The following TUT4 variants were observed in gnomAD, a reference collection of about 807,000 sequenced individuals.
TUT4 encodes the protein terminal uridylyl transferase 4, also known as terminal uridylyltransferase 4.
Under a neutral mutation model 192.2 loss-of-function variants are expected in TUT4, and 36 were observed. That is an observed-to-expected ratio of 0.19 (90% CI 0.14 to 0.25). The LOEUF (loss-of-function observed/expected upper bound fraction) is 0.25, where lower values mean the gene tolerates loss of function less well. Ranked by LOEUF, TUT4 falls within the 10% of genes least tolerant of loss-of-function variation. The probability of loss-of-function intolerance (pLI) is 1.00; values close to 1 mark genes in which losing one functional copy is unlikely to be tolerated. For synonymous variants in TUT4, 618 were observed against 666.0 expected (o/e 0.93, Z 1.11); for missense variants, 1,493 against 1,957.2 (o/e 0.76, Z 4.47).
At position 52,477,831 on chromosome 1, in the gene TUT4, A is replaced by G; in HGVS notation, c.1900T>C (p.Leu634=). The G allele has an allele frequency of 6.2e-7, 1 of 1,614,046 alleles. No individual in the cohort carries two copies. The highest frequency in any genetic ancestry group is 8.5e-7 in the Non-Finnish European group (1 of 1,179,956). ...PNRVSLGQLW[L]ELLKFYTLDF... ...AGTGTGTAGAATTTAAGCAGCTCTA[A>G]CCATAACTGTCCCAAGGATACCCGA... The change falls in exon 12 of 30, where the codon TTA becomes CTA. Residue 634 remains leucine (L), a synonymous_variant. Coordinates refer to ENST00000257177, the MANE Select transcript of TUT4 (RefSeq NM_001009881.3).
intron 24 of TUT4, 103 bp from the exon 25 acceptor site, chr1:52,438,438 A>G: frequency 1.4e-6 from 1 of 727,058 alleles, no homozygotes; most frequent in Non-Finnish European, 2.3e-6. Flanking sequence ...TTACAAAGAA[A>G]ATAACAGCAA....
intron 1 of TUT4, among the ~76,000 whole-genome samples, chr1:52,537,782 G>A (rs529321456): frequency 1.1e-3 from 168 of 152,074 alleles, no homozygotes; most frequent in African/African-American, 3.9e-3. Flanking sequence ...GCATGGTGGC[G>A]CGTGCCTGTA....
intron 1 of TUT4, among the ~76,000 whole-genome samples, chr1:52,538,944 C>T (rs1685732596): frequency 6.6e-6 from 1 of 152,118 alleles, no homozygotes; most frequent in Admixed American, 6.5e-5. Context: ...ATTCTCCCAC[C>T]TCAGCCTCCC....
intron 24 of TUT4, among the ~76,000 whole-genome samples, chr1:52,440,652 T>C (rs1655260859): frequency 6.6e-6 from 1 of 152,270 alleles, no homozygotes; most frequent in South Asian, 2.1e-4. Flanking sequence ...ATCCATTCTA[T>C]TGCTGAATAT....
In TUT4 at chr1:52,493,898, G is replaced by C. The variant is rs72903667; in HGVS notation, c.1267-236C>G. 4.3e-3 allele frequency among the ~76,000 whole-genome samples: 643 copies of C among 149,524 alleles called. 4 individuals carry two copies. Among genetic ancestry groups the C allele is most frequent in the African/African-American group, 0.015 (607 of 40,754 alleles). On this transcript the variant is annotated intron_variant, in intron 6 of 29. Coordinates refer to ENST00000257177, the MANE Select transcript of TUT4 (RefSeq NM_001009881.3). ...TACAGCCTGAACTTCTGGGCTCAAA[G>C]ACTCCTCCTGCCTCAGCATCCCGAG... is the stretch of plus-strand genomic sequence containing the variant.
chr1:52,509,093 C>A (rs1676406480), intron 4 of TUT4, among the ~76,000 whole-genome samples: 1 of 152,120 alleles, frequency 6.6e-6, no homozygotes, highest in South Asian at 2.1e-4. Flanking sequence ...GGCCACTCAC[C>A]TTTTTGCCAT....
intron 1 of TUT4, among the ~76,000 whole-genome samples, chr1:52,551,720 G>A (rs1339713049): frequency 6.6e-6 from 1 of 152,014 alleles, no homozygotes; most frequent in Non-Finnish European, 1.5e-5. Context: ...ACACAAAGTC[G>A]GCTTTTCTTT....
At chr1:52,479,662 G>A (rs952245605) in intron 11 of TUT4, among the ~76,000 whole-genome samples, 2 of 152,162 alleles carry the variant, frequency 1.3e-5, no homozygotes, top group Non-Finnish European at 2.9e-5. Context: ...AGTTTGAGGG[G>A]AGGATCAGGA....
chr1:52,441,444 ATTTTTTT>A lies in TUT4; in HGVS notation c.3823-3116_3823-3110del, dbSNP rs557710242. On this transcript the variant is annotated intron_variant, in intron 24 of 29. Coordinates refer to ENST00000257177, the MANE Select transcript of TUT4 (RefSeq NM_001009881.3). ...GGCGTGCACCACCACTCTCGGCTAAATTTTTTTTTTTTTTTTTTTTTTGTATTTTTAG... is the reference window on the plus strand; with the variant it reads ...GGCGTGCACCACCACTCTCGGCTAAATTTTTTTTTTTTTTTGTATTTTTAG... Among the ~76,000 whole-genome samples, 1,182 of 119,974 alleles carry A rather than the reference ATTTTTTT, an allele frequency of 9.9e-3. 17 individuals carry two copies. The highest frequency in any genetic ancestry group is 0.041 in the African/African-American group (1,113 of 27,322). 78.7% of individuals were successfully genotyped at this position (119,974 alleles called of 152,430 possible).
rs746036876 is a variant in TUT4 at position 52,431,087 on chromosome 1, G to A, written c.4637C>T (p.Thr1546Met). ...ACGGGGCCAGTGTCCATCGTGAGACGTGTTAGGGATTGCCACAGGTCTGGC... is the reference window on the plus strand; with the variant it reads ...ACGGGGCCAGTGTCCATCGTGAGACATGTTAGGGATTGCCACAGGTCTGGC... ...PAARPVAIPN[T>M]SHDGHWPRTV... Residue 1546 changes from threonine to methionine, a missense_variant, in exon 28 of 30, where the codon ACG becomes ATG. Thr to Met is a moderately conservative substitution (Grantham distance 81). Around this residue, in one of 7 missense-constraint regions of TUT4, gnomAD observed 351 missense variants for 397.8 expected, o/e 0.88. Coordinates refer to ENST00000257177, the MANE Select transcript of TUT4 (RefSeq NM_001009881.3). The A allele has an allele frequency of 1.3e-5, 21 of 1,614,096 alleles. No individual in the cohort carries two copies. The highest frequency in any genetic ancestry group is 1.1e-4 in the South Asian group (10 of 91,086).
intron 4 of TUT4, among the ~76,000 whole-genome samples, chr1:52,504,576 G>C (rs1176092669): frequency 6.6e-6 from 1 of 152,166 alleles, no homozygotes; most frequent in Admixed American, 6.6e-5. Context: ...GTTGTAGTGA[G>C]ATGAGATAGC....
At chr1:52,460,899 TTAC>T in intron 19 of TUT4, 1 of 295,260 alleles carries the variant, frequency 3.4e-6, no homozygotes, top group Non-Finnish European at 6.2e-6. Context: ...TTGAGAAATG[TTAC>T]TGCTGAGAAA....
At chr1:52,448,226 T>C (rs1330778857) in intron 20 of TUT4, among the ~76,000 whole-genome samples, 1 of 152,198 alleles carries the variant, frequency 6.6e-6, no homozygotes, top group African/African-American at 2.4e-5. Context: ...AACATTTACA[T>C]ATTACTTAAA....
At chr1:52,520,728 T>C (rs1680015860) in intron 2 of TUT4, among the ~76,000 whole-genome samples, 1 of 152,202 alleles carries the variant, frequency 6.6e-6, no homozygotes, top group South Asian at 2.1e-4. Context: ...TCATTCCCTA[T>C]GTCGTTCCTA....
chr1:52,535,573 T>C (rs1571402338), intron 1 of TUT4, among the ~76,000 whole-genome samples: 2 of 152,138 alleles, frequency 1.3e-5, no homozygotes, highest in East Asian at 1.9e-4. Context: ...AACATATGCA[T>C]AATAGGAGTC....
chr1:52,461,446 A>T, intron 18 of TUT4, 67 bp downstream of exon 18: 4 of 1,445,428 alleles, frequency 2.8e-6, no homozygotes, highest in Non-Finnish European at 3.8e-6. Flanking sequence ...AGTTTTAAAC[A>T]TAGAGTCAGT....
At chr1:52,505,418 CTTTTTTT>C (rs35140317) in intron 4 of TUT4, among the ~76,000 whole-genome samples, 2 of 109,524 alleles carry the variant, frequency 1.8e-5, no homozygotes, top group African/African-American at 7.7e-5. Flanking sequence ...TTTGCTTAGA[CTTTTTTT>C]TTTTTTTTTT....
At chr1:52,449,999 C>T (rs181842864) in intron 20 of TUT4, among the ~76,000 whole-genome samples, 180 of 152,310 alleles carry the variant, frequency 1.2e-3, no homozygotes, top group African/African-American at 4.0e-3. Context: ...TGTGTGAACA[C>T]TCCCAAATCT....
In TUT4 at chr1:52,475,431, G is replaced by A. The variant is rs375198767; in HGVS notation, c.2128C>T (p.Pro710Ser). Reference sequence around the variant, plus strand: ...GACTTATTTCCACCCTTCGTCTGAGGACAGGCAAAATACCGATAAGCTGCC... The same window carrying A: ...GACTTATTTCCACCCTTCGTCTGAGAACAGGCAAAATACCGATAAGCTGCC... ...FRAAYRYFACPQTKGGNKSTV... is the reference protein window; with the variant it reads ...FRAAYRYFACSQTKGGNKSTV... Residue 710 changes from proline (P) to serine (S), a missense_variant, in exon 13 of 30, where the codon CCT (proline) becomes TCT (serine). Pro to Ser is a moderately conservative substitution (Grantham distance 74). This residue lies in a region of TUT4 where 245 missense variants were observed against 218.4 expected (regional missense o/e 1.12). Coordinates refer to ENST00000257177, the MANE Select transcript of TUT4 (RefSeq NM_001009881.3). 6.2e-7 allele frequency: 1 copy of A among 1,613,956 alleles called. No individual in the cohort carries two copies.
Sources: allele counts gnomAD v4.1 joint callset (sites outside exome capture counted in the v4.1 genomes callset), GRCh38; gene constraint gnomAD v4.1.1; regional missense constraint gnomAD v4.1.1; transcripts MANE v1.5; gene names NCBI Gene and HGNC (gene_info 2026-07-23, HGNC 2026-07-21).